Variants in MORN1 observed in about 807,000 individuals in gnomAD.
MORN1 encodes the protein MORN repeat-containing protein 1.
Under a neutral mutation model 61.9 loss-of-function variants are expected in MORN1, and 67 were observed. The ratio of observed to expected loss-of-function variants is 1.08; its 90% confidence interval spans 0.89 to 1.33. The LOEUF (loss-of-function observed/expected upper bound fraction) is 1.33, where lower values mean the gene tolerates loss of function less well. MORN1 is among the 40% of genes most tolerant of loss of function. The pLI is 0.00. For missense variants in MORN1, 752 were observed against 691.2 expected (o/e 1.09, Z -0.99); for synonymous variants, 301 against 292.0 (o/e 1.03, Z -0.31).
chr1:2,321,473 C>G lies in MORN1; in HGVS notation c.1404G>C (p.Gln468His). ...HLRVVAKRAG[Q>H]PPHVLEEGPE... ...GGCCTTCTTCCAGGACATGGGGTGG[C>G]TGGCCAGCCCTCTTCGCTACGACCC... Residue 468 changes from glutamine (Q) to histidine (H), a missense_variant, in exon 14 of 14, where the codon CAG becomes CAC. By Grantham distance (24) the Gln-to-His change is conservative. Transcript: ENST00000378531. The G allele has an allele frequency of 6.5e-7, 1 of 1,529,280 alleles. No homozygotes were observed. The highest frequency in any genetic ancestry group is 1.2e-5 in the South Asian group (1 of 81,736). The allele number at this position is 1,529,280 out of a possible 1,614,324, so 94.7% of individuals were successfully genotyped here. A position where few individuals can be genotyped will look rare whatever the true frequency, so the allele number is the denominator to read the frequency against.
Position 2,321,369 on chromosome 1 carries a change from G to A in MORN1, c.*14C>T. ...TCCATTCACACCGAGGTGGCCTCCTGTGGACACGGGGCCTCACCGAGGCGC... is the reference window on the plus strand; with the variant it reads ...TCCATTCACACCGAGGTGGCCTCCTATGGACACGGGGCCTCACCGAGGCGC... On this transcript the variant is annotated 3_prime_UTR_variant, in exon 14 of 14. Transcript: ENST00000378531. 1 of 1,485,286 alleles carries A rather than the reference G, an allele frequency of 6.7e-7. No individual in the cohort carries two copies. 92.0% of individuals were successfully genotyped at this position (1,485,286 alleles called of 1,614,324 possible).
Position 2,385,069 on chromosome 1 carries a change from G to T in MORN1, c.450-4C>A. Reference sequence around the variant, plus strand: ...GCCGTCGTACTTGTCACCGTTCCTGGGGGACACACGCACGGAGTCCACTCT... The same window carrying T: ...GCCGTCGTACTTGTCACCGTTCCTGTGGGACACACGCACGGAGTCCACTCT... On this transcript the variant is annotated splice_region_variant and splice_polypyrimidine_tract_variant and intron_variant, in intron 5 of 13. Coordinates refer to ENST00000378531, the MANE Select transcript of MORN1 (RefSeq NM_024848.3). 1 of 1,586,058 alleles carries T rather than the reference G, an allele frequency of 6.3e-7. No homozygotes were observed. Among genetic ancestry groups the T allele is most frequent in the Non-Finnish European group, 8.6e-7 (1 of 1,167,170 alleles).
At position 2,337,852 on chromosome 1, in the gene MORN1, GC is replaced by G. The variant is rs1243534548; in HGVS notation, c.1037-1003del. Among the ~76,000 whole-genome samples, 1 of 152,172 alleles carries G rather than the reference GC, an allele frequency of 6.6e-6. No homozygotes were observed. The highest frequency in any genetic ancestry group is 1.5e-5 in the Non-Finnish European group (1 of 68,020). On this transcript the variant is annotated intron_variant, in intron 10 of 13. Coordinates refer to ENST00000378531, the MANE Select transcript of MORN1 (RefSeq NM_024848.3). This position sits in a 1 kb window ranked among gnomAD's most constrained non-coding sequence, Gnocchi z 5.7. ...CAGGGGCTGGGGCGGTGGCTTTAGG[GC>G]CACAGATGAGTGTCCCCACCAGGCA...
At position 2,322,442 on chromosome 1, in the gene MORN1, C is replaced by T. The variant is rs1387872950; in HGVS notation, c.1298-863G>A. The T allele has an allele frequency of 1.8e-5, 18 of 985,258 alleles. No homozygotes were observed. The South Asian group carries it at 1.9e-4, about 10-fold the overall frequency. 61.0% of individuals were successfully genotyped at this position (985,258 alleles called of 1,614,324 possible). A position where few individuals can be genotyped will look rare whatever the true frequency, so the allele number is the denominator to read the frequency against. On this transcript the variant is annotated intron_variant, in intron 13 of 13. Transcript: ENST00000378531. ...GGAAAACAGCGCTCCCCTCGCAGAG[C>T]GGCGGCCTCCTCGGCCAGGCCACGG...
rs1348357544 is a variant in MORN1 at position 2,391,523 on chromosome 1, G to A, written c.11C>T (p.Ala4Val). 4.8e-6 allele frequency: 6 copies of A among 1,251,510 alleles called. No homozygotes were observed. Among genetic ancestry groups the A allele is most frequent in the African/African-American group, 1.5e-5 (1 of 64,590 alleles). 77.5% of individuals were successfully genotyped at this position (1,251,510 alleles called of 1,614,324 possible). A position where few individuals can be genotyped will look rare whatever the true frequency, so the allele number is the denominator to read the frequency against. Reference sequence around the variant, plus strand: ...GCGGGAGCTCGGGGTGCCCTCGCCCGCCGCTGCCATCTTGCCGCCGAGGGT... The same window carrying A: ...GCGGGAGCTCGGGGTGCCCTCGCCCACCGCTGCCATCTTGCCGCCGAGGGT... Reference protein sequence around the residue: MAAAGEGTPSSRGP... With the variant: MAAVGEGTPSSRGP... Residue 4 changes from alanine to valine, a missense_variant, in exon 1 of 14, where the codon GCG becomes GTG. Transcript: ENST00000378531.
At chr1:2,391,365 G>C (rs559373140) in intron 1 of MORN1, 93 bp downstream of exon 1, 3 of 1,226,064 alleles carry the variant, frequency 2.4e-6, no homozygotes, top group Non-Finnish European at 3.1e-6. Context: ...TACTTTCCGA[G>C]GTGAGCATTT....
chr1:2,384,054 G>C (rs1364167169), intron 6 of MORN1, among the ~76,000 whole-genome samples: 4 of 152,184 alleles, frequency 2.6e-5, no homozygotes, highest in African/African-American at 9.7e-5. Flanking sequence ...CCTTGTTGGT[G>C]ACTCTTTCAT....
At chr1:2,391,271 G>A (rs1642654329) in intron 1 of MORN1, among the ~76,000 whole-genome samples, 187 bp downstream of exon 1, 1 of 152,188 alleles carries the variant, frequency 6.6e-6, no homozygotes, top group South Asian at 2.1e-4. Context: ...GGAAGGGTGC[G>A]AGCCGAGCCC....
At position 2,351,571 on chromosome 1, in the gene MORN1, C is replaced by G. The variant is rs111885052; in HGVS notation, c.1036+5861G>C. ...CATTGCGCTTCTTGTCTCTGTGTGG[C>G]CTGGTGTGGCCGGGCCGTGTAACCA... On this transcript the variant is annotated intron_variant, in intron 10 of 13. Transcript: ENST00000378531. The G allele has an allele frequency of 7.2e-4, 167 of 230,514 alleles. 1 individual carries two copies. Among genetic ancestry groups the G allele is most frequent in the Non-Finnish European group, 1.3e-3 (147 of 115,546 alleles). 14.3% of individuals were successfully genotyped at this position (230,514 alleles called of 1,614,324 possible).
chr1:2,363,746 C>G (rs2100319275), intron 8 of MORN1: 1 of 130,764 alleles, frequency 7.6e-6, no homozygotes, highest in South Asian at 2.5e-4. Context: ...GCCTGGGTGA[C>G]AGTGAGACCT....
intron 10 of MORN1, among the ~76,000 whole-genome samples, chr1:2,353,967 C>T (rs1330830713): frequency 2.0e-5 from 3 of 152,184 alleles, no homozygotes; most frequent in Non-Finnish European, 2.9e-5. Flanking sequence ...AATGGGATTA[C>T]GGATTACGTA....
chr1:2,322,790 C>A, intron 13 of MORN1: 1 of 985,446 alleles, frequency 1.0e-6, no homozygotes, highest in Non-Finnish European at 1.2e-6. Flanking sequence ...GCTCAGTGGG[C>A]AGTGGCTGAG....
chr1:2,351,665 C>A (rs1212030586), intron 10 of MORN1: 2 of 390,826 alleles, frequency 5.1e-6, no homozygotes, highest in Non-Finnish European at 1.0e-5. Context: ...GGCCCGAAAC[C>A]CGCTTTTCTT....
At chr1:2,332,445 C>T (rs779741913) in intron 12 of MORN1, 44 of 360,986 alleles carry the variant, frequency 1.2e-4, no homozygotes, top group Non-Finnish European at 2.2e-4. Context: ...GTGGGATGGG[C>T]GACCCCTGGC....
chr1:2,360,980 TCACTGAAC>T (rs1320399231), intron 8 of MORN1, among the ~76,000 whole-genome samples: 1 of 152,264 alleles, frequency 6.6e-6, no homozygotes, highest in East Asian at 1.9e-4. Context: ...TGTCTCCAAG[TCACTGAAC>T]TGTGCCCCAG....
chr1:2,387,904 G>A, intron 3 of MORN1: 2 of 422,546 alleles, frequency 4.7e-6, no homozygotes, highest in South Asian at 4.0e-5. Context: ...AGGGTCTGAG[G>A]TTCCTGGACA....
intron 10 of MORN1, chr1:2,355,500 G>A: frequency 1.9e-6 from 3 of 1,549,758 alleles, no homozygotes; most frequent in Non-Finnish European, 2.6e-6. Context: ...TGAGGCTCTG[G>A]GGCTTCTAGC....
intron 8 of MORN1, among the ~76,000 whole-genome samples, chr1:2,360,855 G>A (rs1436421475): frequency 6.6e-6 from 1 of 152,170 alleles, no homozygotes; most frequent in Non-Finnish European, 1.5e-5. Context: ...AGGAAGCGGG[G>A]GCAAGCTTTC....
chr1:2,323,464 G>C, intron 13 of MORN1: 1 of 985,398 alleles, frequency 1.0e-6, no homozygotes, highest in Non-Finnish European at 1.2e-6. Flanking sequence ...CAGCCAGTCA[G>C]CCGCGGTGCC....
Sources: gnomAD v4.1 joint callset for allele counts (sites outside exome capture counted in the v4.1 genomes callset) on GRCh38, gnomAD v4.1.1 for gene constraint, Gnocchi (gnomAD v3.1) non-coding constraint, MANE v1.5 for transcripts, NCBI Gene and HGNC (gene_info 2026-07-23, HGNC 2026-07-21) for gene names.